The following RGS12 variants were observed in gnomAD, a reference collection of about 807,000 sequenced individuals.
RGS12 encodes regulator of G protein signaling 12.
RGS12 carries 66 observed loss-of-function variants against 120.1 expected under a neutral mutation model. The ratio of observed to expected loss-of-function variants is 0.55; its 90% CI spans 0.45 to 0.67. The LOEUF is 0.67. Ranked by LOEUF, RGS12 falls within the 30% of genes least tolerant of loss-of-function variation. The probability of loss-of-function intolerance (pLI) is 0.00; values close to 1 mark genes in which losing one functional copy is unlikely to be tolerated. For missense variants in RGS12, 1,859 were observed against 1,957.7 expected (o/e 0.95, Z 0.95); for synonymous variants, 827 against 804.7 (o/e 1.03, Z -0.47).
At chr4:3,431,658 C>T (rs1187870269) in intron 17 of RGS12, 4 of 985,634 alleles carry the variant, frequency 4.1e-6, no homozygotes, top group Non-Finnish European at 4.8e-6. Context: ...CTCCCAGCAG[C>T]CGGTAGGGAA....
chr4:3,320,597 G>A (rs1023996164), intron 2 of RGS12, among the ~76,000 whole-genome samples: 24 of 152,188 alleles, frequency 1.6e-4, no homozygotes, highest in Non-Finnish European at 4.4e-5. Context: ...ATAATGTGGC[G>A]TGATACACTA....
intron 2 of RGS12, among the ~76,000 whole-genome samples, chr4:3,333,755 G>C (rs1307662590): frequency 1.3e-5 from 2 of 152,074 alleles, no homozygotes. Flanking sequence ...CTGTCTTCTA[G>C]GGCAGGTTTT....
intron 3 of RGS12, among the ~76,000 whole-genome samples, chr4:3,362,620 G>A (rs541343311): frequency 1.4e-5 from 2 of 146,670 alleles, no homozygotes; most frequent in African/African-American, 2.5e-5. Flanking sequence ...GTCGTGAGGG[G>A]GTGTGTGTGA....
upstream of RGS12, among the ~76,000 whole-genome samples, chr4:3,290,564 AC>A (rs1275995926): frequency 2.0e-5 from 3 of 152,206 alleles, no homozygotes; most frequent in Non-Finnish European, 4.4e-5. Flanking sequence ...ACGCCCCCAC[AC>A]CCCGAGTCCC....
At chr4:3,422,603 C>T in intron 11 of RGS12, 33 bp downstream of exon 11, 1 of 1,592,886 alleles carries the variant, frequency 6.3e-7, no homozygotes, top group Non-Finnish European at 8.5e-7. Flanking sequence ...GTGCTGCCCT[C>T]AGGCCATGAC....
rs528029080 is a variant in RGS12 at position 3,339,736 on chromosome 4, C to T, written c.1882-3201C>T. Among the ~76,000 whole-genome samples the T allele has an allele frequency of 8.5e-5, 13 of 152,262 alleles. No homozygotes were observed. The East Asian group carries it at 2.1e-3, about 25-fold the overall frequency. On this transcript the variant is annotated intron_variant, in intron 2 of 17. Coordinates refer to ENST00000336727, the MANE Select transcript of RGS12 (RefSeq NM_001394154.1). ...AGGATGATACCAGGCTGGAGGTGGG[C>T]GGGCGGTTGCTGGGCAGATGTCCTC...
chr4:3,368,535 G>C (rs1219536791), intron 3 of RGS12, among the ~76,000 whole-genome samples: 5 of 129,672 alleles, frequency 3.9e-5, no homozygotes, highest in African/African-American at 1.5e-4. Context: ...GTACGTGTGT[G>C]TGTGGGGTAC....
At chr4:3,414,595 G>T in intron 5 of RGS12, 157 bp from the exon 6 acceptor site, 1 of 639,140 alleles carries the variant, frequency 1.6e-6, no homozygotes, top group Non-Finnish European at 2.8e-6. Context: ...GCAGCAGTGC[G>T]GTTCCCTAAA....
At chr4:3,289,482 G>A (rs146745967), upstream of RGS12, among the ~76,000 whole-genome samples, 47 of 152,248 alleles carry the variant, frequency 3.1e-4, no homozygotes, top group African/African-American at 1.0e-3. Context: ...GGGATTACAG[G>A]CATGAGCCAC....
At position 3,317,137 on chromosome 4, in the gene RGS12, G is replaced by C; in HGVS notation, c.967G>C (p.Gly323Arg). 1.9e-6 allele frequency: 3 copies of C among 1,613,992 alleles called. No individual in the cohort carries two copies. In the Admixed American group the frequency reaches 5.0e-5, roughly 27 times the overall value. The change falls in exon 2 of 18, where the codon GGG becomes CGG. Residue 323 changes from glycine (G) to arginine (R), a missense_variant. By Grantham distance (125) the Gly-to-Arg change is moderately radical (BLOSUM62 -2). Transcript: ENST00000336727. The part of the protein sequence containing the change: ...GLVTMQTNDD[G>R]SLAQEEEGAL... Reference sequence around the variant, plus strand: ...GGTTACCATGCAGACGAATGACGACGGGAGCCTGGCCCAGGAGGAGGAGGG... The same window carrying C: ...GGTTACCATGCAGACGAATGACGACCGGAGCCTGGCCCAGGAGGAGGAGGG...
intron 3 of RGS12, among the ~76,000 whole-genome samples, chr4:3,368,468 T>TG (rs1716591268): frequency 1.9e-5 from 2 of 106,628 alleles, no homozygotes; most frequent in Non-Finnish European, 3.8e-5. Context: ...CCTTTGTGTG[T>TG]GGGGGTGCCT....
At chr4:3,428,394 T>G (rs1178442414) in intron 15 of RGS12, 164 bp from the exon 16 acceptor site, 7 of 769,430 alleles carry the variant, frequency 9.1e-6, no homozygotes, top group African/African-American at 1.8e-5. Flanking sequence ...CCTTAAATGC[T>G]ATTCTTGTTT....
chr4:3,309,903 T>G (rs1285613501), intron 1 of RGS12, among the ~76,000 whole-genome samples: 4 of 117,818 alleles, frequency 3.4e-5, no homozygotes, highest in Non-Finnish European at 5.2e-5. Context: ...AGGGGAACCG[T>G]GCAGGGGAGG....
At chr4:3,395,025 A>T (rs1719909189) in intron 4 of RGS12, among the ~76,000 whole-genome samples, 1 of 152,008 alleles carries the variant, frequency 6.6e-6, no homozygotes, top group African/African-American at 2.4e-5. Flanking sequence ...AAAAAAACAA[A>T]ACAAAACAAA....
chr4:3,381,956 CA>C (rs779907772), intron 3 of RGS12, among the ~76,000 whole-genome samples: 1 of 152,198 alleles, frequency 6.6e-6, no homozygotes, highest in Admixed American at 6.5e-5. Flanking sequence ...GGGGTCCAGC[CA>C]CCTGTATGTG....
intron 3 of RGS12, among the ~76,000 whole-genome samples, chr4:3,346,895 G>T (rs952184822): frequency 6.6e-6 from 1 of 152,136 alleles, no homozygotes; most frequent in South Asian, 2.1e-4. Flanking sequence ...TTGAAGCAGG[G>T]TATTCTATGC....
chr4:3,286,698 G>A, the RGS12 span, among the ~76,000 whole-genome samples: 1 of 152,216 alleles, frequency 6.6e-6, no homozygotes, highest in African/African-American at 2.4e-5. Context: ...GCAGCCAGGC[G>A]GGGCCAGCGC....
intron 3 of RGS12, among the ~76,000 whole-genome samples, chr4:3,363,403 C>T (rs1394880630): frequency 1.3e-5 from 2 of 152,084 alleles, no homozygotes; most frequent in Non-Finnish European, 2.9e-5. Context: ...TGCTCTGTTT[C>T]TTTGACGTTC....
intron 3 of RGS12, among the ~76,000 whole-genome samples, chr4:3,368,075 C>T (rs1256701901): frequency 2.0e-5 from 3 of 152,208 alleles, no homozygotes; most frequent in Non-Finnish European, 4.4e-5. Flanking sequence ...CACGCATGCC[C>T]AGGCTGCCTT....
Sources: gnomAD v4.1 joint callset for allele counts (sites outside exome capture counted in the v4.1 genomes callset) on GRCh38, gnomAD v4.1.1 for gene constraint, MANE v1.5 for transcripts, NCBI Gene and HGNC (gene_info 2026-07-23, HGNC 2026-07-21) for gene names.